FRRS1L: variants seen among roughly 807,000 people sequenced by gnomAD.
FRRS1L encodes the protein ferric chelate reductase 1 like, also known as DOMON domain-containing protein FRRS1L.
FRRS1L carries 22 observed loss-of-function variants against 28.6 expected under a neutral mutation model. That is an observed-to-expected ratio of 0.77 (90% CI 0.55 to 1.10). The LOEUF (loss-of-function observed/expected upper bound fraction) is 1.10, where lower values mean the gene tolerates loss of function less well. Ranked by LOEUF, FRRS1L falls within the 50% of genes least tolerant of loss-of-function variation. The pLI, the probability that FRRS1L is intolerant of heterozygous loss-of-function variation, is 0.00. For missense variants in FRRS1L, 380 were observed against 386.9 expected, an observed-to-expected ratio of 0.98 and a Z score of 0.15; for synonymous variants, 158 against 151.4, an observed-to-expected ratio of 1.04 and a Z score of -0.32.
chr9:109,149,972 C>T (rs1179994841), intron 1 of FRRS1L: 1 of 400,426 alleles, frequency 2.5e-6, no homozygotes, highest in African/African-American at 2.0e-5. Context: ...GAACCTGGGG[C>T]ACTGAGAGAG....
At position 109,141,392 on chromosome 9, in the gene FRRS1L, A is replaced by T; in HGVS notation, c.660T>A (p.Asp220Glu). 6.2e-7 allele frequency: 1 copy of T among 1,614,192 alleles called. No individual in the cohort carries two copies. Among genetic ancestry groups the T allele is most frequent in the Non-Finnish European group, 8.5e-7 (1 of 1,180,010 alleles). ...VNVPRDETIV[D>E]LHLSWYYLFA... ...ACAGATAATACCAACTCAAATGCAG[A>T]TCAACAATTGTTTCATCTCTGGGAA... The change falls in exon 4 of 5, where the codon GAT (aspartate) becomes GAA (glutamate). Residue 220 changes from aspartate to glutamate, a missense_variant. Transcript: ENST00000561981.
rs189252089 is a variant in FRRS1L at position 109,152,101 on chromosome 9, A to C, written c.239-2381T>G. ...CATCTAGAATAATACGTTAGCATAC[A>C]GCAGATTTCCAGCTCAATAAATACC... is the stretch of plus-strand genomic sequence containing the variant. On this transcript the variant is annotated intron_variant, in intron 1 of 4. Transcript: ENST00000561981. 10 of 152,320 alleles carry C rather than the reference A, an allele frequency of 6.6e-5. No homozygotes were observed. The East Asian group carries it at 1.9e-3, about 29-fold the overall frequency. 9.4% of individuals were successfully genotyped at this position (152,320 alleles called of 1,614,324 possible). A position where few individuals can be genotyped will look rare whatever the true frequency, so the allele number is the denominator to read the frequency against.
intron 1 of FRRS1L, among the ~76,000 whole-genome samples, chr9:109,154,194 G>A (rs1831375168): frequency 1.3e-5 from 2 of 152,214 alleles, no homozygotes; most frequent in South Asian, 4.1e-4. Context: ...AGCTCTGCGA[G>A]GTCCTGGTCT....
chr9:109,152,886 A>AAGCTAGC (rs1831352559), intron 1 of FRRS1L, among the ~76,000 whole-genome samples: 1 of 150,718 alleles, frequency 6.6e-6, no homozygotes, highest in African/African-American at 2.4e-5. Flanking sequence ...TTTTGGAACA[A>AAGCTAGC]AGCTAGCTCA....
At chr9:109,145,339 A>T (rs1831244801) in intron 3 of FRRS1L, among the ~76,000 whole-genome samples, 1 of 152,166 alleles carries the variant, frequency 6.6e-6, no homozygotes, top group South Asian at 2.1e-4. Context: ...GGAAGATAAA[A>T]CTGTTGAAAC....
At chr9:109,141,728 C>T in intron 3 of FRRS1L, 139 bp from the exon 4 acceptor site, 1 of 855,476 alleles carries the variant, frequency 1.2e-6, no homozygotes, top group Non-Finnish European at 1.8e-6. Context: ...TAAAAAGTCT[C>T]AACCAGGAGA....
At position 109,135,163 on chromosome 9, in the gene FRRS1L, A is replaced by C. The variant is rs1287366010; in HGVS notation, c.*2292T>G. ...CAGGCAGACTTTCACCTGTGACATG[A>C]ATCTGGAGGGTGGTATTAGAAATCA... On this transcript the variant is annotated 3_prime_UTR_variant, in exon 5 of 5. Coordinates refer to ENST00000561981, the MANE Select transcript of FRRS1L (RefSeq NM_014334.4). 1 of 152,220 alleles carries C rather than the reference A, an allele frequency of 6.6e-6. No individual in the cohort carries two copies. Among genetic ancestry groups the C allele is most frequent in the Non-Finnish European group, 1.5e-5 (1 of 68,030 alleles). 9.4% of individuals were successfully genotyped at this position (152,220 alleles called of 1,614,324 possible).
In FRRS1L at chr9:109,136,851, C is replaced by A. The variant is rs906674714; in HGVS notation, c.*604G>T. ...ATTTCAAATAAATATGAACTATTTT[C>A]ATATCATTGTATTTTCCTCCAATCT... On this transcript the variant is annotated 3_prime_UTR_variant, in exon 5 of 5. Coordinates refer to ENST00000561981, the MANE Select transcript of FRRS1L (RefSeq NM_014334.4). 5 of 152,190 alleles carry A rather than the reference C, an allele frequency of 3.3e-5. No homozygotes were observed. The highest frequency in any genetic ancestry group is 1.3e-4 in the Admixed American group (2 of 15,274). The allele number at this position is 152,190 out of a possible 1,614,324, so 9.4% of individuals were successfully genotyped here.
intron 3 of FRRS1L, among the ~76,000 whole-genome samples, chr9:109,146,078 T>A (rs1831256686): frequency 6.6e-6 from 1 of 151,896 alleles, no homozygotes; most frequent in African/African-American, 2.4e-5. Context: ...GTGCCCGTAA[T>A]CCCAGCTACT....
chr9:109,166,989 C>A lies in FRRS1L; in HGVS notation c.150G>T (p.Thr50=). 1 of 1,273,812 alleles carries A rather than the reference C, an allele frequency of 7.9e-7. No homozygotes were observed. Among genetic ancestry groups the A allele is most frequent in the South Asian group, 2.9e-5 (1 of 35,016 alleles). 78.9% of individuals were successfully genotyped at this position (1,273,812 alleles called of 1,614,324 possible). ...RGPRGRARGD[T]GADEAVPRHD... ...GGCGCGGCACCGCCTCGTCGGCGCC[C>A]GTGTCCCCCCGCGCGCGTCCCCGGG... Residue 50 remains threonine, a synonymous_variant, in exon 1 of 5, where the codon ACG becomes ACT. Transcript: ENST00000561981.
At chr9:109,156,051 C>G (rs1401752294) in intron 1 of FRRS1L, among the ~76,000 whole-genome samples, 1 of 152,164 alleles carries the variant, frequency 6.6e-6, no homozygotes, top group Non-Finnish European at 1.5e-5. Flanking sequence ...ACATGATTCA[C>G]AGAATCAAAA....
chr9:109,167,108 C>T lies in FRRS1L; in HGVS notation c.31G>A (p.Val11Ile). 4 of 1,173,902 alleles carry T rather than the reference C, an allele frequency of 3.4e-6. No homozygotes were observed. Among genetic ancestry groups the T allele is most frequent in the Non-Finnish European group, 3.2e-6 (3 of 952,280 alleles). The allele number at this position is 1,173,902 out of a possible 1,614,324, so 72.7% of individuals were successfully genotyped here. A position where few individuals can be genotyped will look rare whatever the true frequency, so the allele number is the denominator to read the frequency against. ...AGCAGCAGGAGCAGCGACGCCCAGA[C>T]CCCCGGGTGCTGCCGGGGCGGCCGC... MARPPRQHPG[V>I]WASLLLLLLT... Residue 11 changes from valine to isoleucine, a missense_variant, in exon 1 of 5, where the codon GTC becomes ATC. Transcript: ENST00000561981.
intron 1 of FRRS1L, among the ~76,000 whole-genome samples, chr9:109,160,992 T>A (rs1365024091): frequency 1.3e-5 from 2 of 152,162 alleles, no homozygotes; most frequent in South Asian, 4.2e-4. Flanking sequence ...GGTTTCACCA[T>A]GTTGGCCAGG....
intron 3 of FRRS1L, among the ~76,000 whole-genome samples, chr9:109,146,778 T>C (rs1381139773): frequency 1.3e-5 from 2 of 152,200 alleles, no homozygotes; most frequent in African/African-American, 2.4e-5. Context: ...TAAATGCTCA[T>C]TGTTATAAGC....
intron 1 of FRRS1L, among the ~76,000 whole-genome samples, chr9:109,161,357 C>T (rs1319218741): frequency 2.0e-5 from 3 of 152,076 alleles, no homozygotes; most frequent in Admixed American, 1.3e-4. Context: ...TTAATATTGG[C>T]TTGGGGGTTT....
At position 109,167,028 on chromosome 9, in the gene FRRS1L, C is replaced by A; in HGVS notation, c.111G>T (p.Pro37=). 1 of 1,207,898 alleles carries A rather than the reference C, an allele frequency of 8.3e-7. No individual in the cohort carries two copies. The highest frequency in any genetic ancestry group is 1.0e-6 in the Non-Finnish European group (1 of 974,212). 74.8% of individuals were successfully genotyped at this position (1,207,898 alleles called of 1,614,324 possible). ...CGCGTCCCCGGGGTCCCCGGCCCCC[C>A]GGGCCCGCACCGTCGTCCGCGGGGC... is the stretch of plus-strand genomic sequence containing the variant. ...AASPADDGAG[P]GGRGPRGRAR... The change falls in exon 1 of 5, where the codon CCG becomes CCT. Residue 37 remains proline, a synonymous_variant. Coordinates refer to ENST00000561981, the MANE Select transcript of FRRS1L (RefSeq NM_014334.4).
intron 1 of FRRS1L, among the ~76,000 whole-genome samples, chr9:109,163,210 A>G (rs975278737): frequency 6.6e-6 from 1 of 152,222 alleles, no homozygotes; most frequent in Non-Finnish European, 1.5e-5. Flanking sequence ...TTCACATTCT[A>G]TCATTGCTCT....
At chr9:109,166,648 C>A (rs1831553625) in intron 1 of FRRS1L, among the ~76,000 whole-genome samples, 1 of 152,092 alleles carries the variant, frequency 6.6e-6, no homozygotes, top group Non-Finnish European at 1.5e-5. Flanking sequence ...ATGACCCCTC[C>A]CTCTCCCAGC....
In FRRS1L at chr9:109,167,170, C is replaced by T. The variant is rs1425792096; in HGVS notation, c.-32G>A. The stretch of plus-strand genomic sequence containing the variant: ...GCACAGATCCCGCAGCCAGGCCGCT[C>T]GGGCCGCAGCGGGGGCGCCGCGGGC... On this transcript the variant is annotated 5_prime_UTR_variant, in exon 1 of 5. Transcript: ENST00000561981. 5 of 1,146,990 alleles carry T rather than the reference C, an allele frequency of 4.4e-6. No homozygotes were observed. The highest frequency in any genetic ancestry group is 5.3e-6 in the Non-Finnish European group (5 of 936,958). The allele number at this position is 1,146,990 out of a possible 1,614,324, so 71.1% of individuals were successfully genotyped here.
Sources: gnomAD v4.1 joint callset for allele counts (sites outside exome capture counted in the v4.1 genomes callset) on GRCh38, gnomAD v4.1.1 for gene constraint, MANE v1.5 for transcripts, NCBI Gene and HGNC (gene_info 2026-07-23, HGNC 2026-07-21) for gene names.